The following ZNF530 variants were observed in gnomAD, a reference collection of about 807,000 sequenced individuals.
ZNF530 encodes the protein zinc finger protein 530.
A neutral mutation model predicts 2.8 loss-of-function variants in ZNF530; 5 were observed. The observed-to-expected ratio is 1.80, with a 90% confidence interval of 0.94 to 3.78. The LOEUF (loss-of-function observed/expected upper bound fraction) is 3.78, where lower values mean the gene tolerates loss of function less well. ZNF530 is among the 30% of genes most tolerant of loss of function. The pLI is 0.00. For missense variants in ZNF530, 619 were observed against 673.3 expected (o/e 0.92, Z 0.89); for synonymous variants, 229 against 235.0 (o/e 0.97, Z 0.23).
chr19:57,610,704 CT>C (rs537086027), downstream of ZNF530, among the ~76,000 whole-genome samples: 87 of 152,134 alleles, frequency 5.7e-4, no homozygotes, highest in Non-Finnish European at 1.1e-3. Flanking sequence ...GCCATATTCC[CT>C]GAAGGCCAGA....
In ZNF530 at chr19:57,606,471, G is replaced by C; in HGVS notation, c.847G>C (p.Val283Leu). 1 of 1,614,154 alleles carries C rather than the reference G, an allele frequency of 6.2e-7. No homozygotes were observed. Among genetic ancestry groups the C allele is most frequent in the Non-Finnish European group, 8.5e-7 (1 of 1,180,028 alleles). Residue 283 changes from valine (V) to leucine (L), a missense_variant, in exon 4 of 4, where the codon GTT becomes CTT. By Grantham distance (32) the Val-to-Leu change is conservative (BLOSUM62 1). Transcript: ENST00000597700. ...ATCTGTCCTCATTCAACATCAACGA[G>C]TTCACACTGGAGAAAGGCCTTATGA... ...QVSVLIQHQR[V>L]HTGERPYECS...
Position 57,607,682 on chromosome 19 carries a change from A to G in ZNF530, c.*357A>G. On this transcript the variant is annotated 3_prime_UTR_variant, in exon 4 of 4. Coordinates refer to ENST00000597700, the MANE Select transcript of ZNF530 (RefSeq NM_001321981.2). Reference sequence around the variant, plus strand: ...TTTAACACAAGATTTCCCAAAGAAGAAAGGCCTTATATATGCTGTGAATGT... The same window carrying G: ...TTTAACACAAGATTTCCCAAAGAAGGAAGGCCTTATATATGCTGTGAATGT... 4.2e-6 allele frequency: 1 copy of G among 236,480 alleles called. No individual in the cohort carries two copies. The highest frequency in any genetic ancestry group is 8.2e-6 in the Non-Finnish European group (1 of 121,266). The allele number at this position is 236,480 out of a possible 1,614,324, so 14.6% of individuals were successfully genotyped here. A position where few individuals can be genotyped will look rare whatever the true frequency, so the allele number is the denominator to read the frequency against.
chr19:57,604,131 G>C (rs1295434160), intron 2 of ZNF530, 146 bp from the exon 3 acceptor site: 62 of 1,046,518 alleles, frequency 5.9e-5, no homozygotes, highest in Non-Finnish European at 8.4e-5. Flanking sequence ...GACCATGAGA[G>C]AGTAGGCATC....
chr19:57,609,714 CT>C lies in ZNF530; in HGVS notation c.*2391del, dbSNP rs1265344730. ...TGCAGAAATCTCTAGAAATGTGTGT[CT>C]TGTAGCTCAAGTTATTACTAGAGAC... On this transcript the variant is annotated 3_prime_UTR_variant, in exon 4 of 4. Coordinates refer to ENST00000597700, the MANE Select transcript of ZNF530 (RefSeq NM_001321981.2). Among the ~76,000 whole-genome samples, 3 of 152,080 alleles carry C rather than the reference CT, an allele frequency of 2.0e-5. No homozygotes were observed. Among genetic ancestry groups the C allele is most frequent in the African/African-American group, 7.2e-5 (3 of 41,404 alleles).
At chr19:57,602,325 T>G (rs1980282198) in intron 2 of ZNF530, among the ~76,000 whole-genome samples, 1 of 152,238 alleles carries the variant, frequency 6.6e-6, no homozygotes, top group South Asian at 2.1e-4. Context: ...TGACCTTATC[T>G]AAATCTAATT....
intron 2 of ZNF530, among the ~76,000 whole-genome samples, chr19:57,601,922 T>C (rs1213084545): frequency 6.6e-6 from 1 of 152,188 alleles, no homozygotes; most frequent in African/African-American, 2.4e-5. Context: ...AAGGATACTA[T>C]GCCATTCATG....
At chr19:57,602,245 A>G (rs1443133347) in intron 2 of ZNF530, among the ~76,000 whole-genome samples, 4 of 152,296 alleles carry the variant, frequency 2.6e-5, no homozygotes, top group Admixed American at 1.3e-4. Context: ...GAGTATGTAA[A>G]GAAAGCAAGG....
Position 57,607,266 on chromosome 19 carries a change from G to A in ZNF530, c.1642G>A (p.Gly548Arg), listed in dbSNP as rs1980629036. Residue 548 changes from glycine (G) to arginine (R), a missense_variant, in exon 4 of 4, where the codon GGA becomes AGA. Coordinates refer to ENST00000597700, the MANE Select transcript of ZNF530 (RefSeq NM_001321981.2). ...GERPYECSEC[G>R]KSFSQSSGLL... ...AAGGCCTTATGAATGCAGTGAATGT[G>A]GAAAATCCTTTAGCCAAAGCTCTGG... The A allele has an allele frequency of 6.2e-7, 1 of 1,613,854 alleles. No individual in the cohort carries two copies. Among genetic ancestry groups the A allele is most frequent in the African/African-American group, 1.3e-5 (1 of 74,866 alleles).
In ZNF530 at chr19:57,606,329, A is replaced by G. The variant is rs1288380634; in HGVS notation, c.705A>G (p.Glu235=). The G allele has an allele frequency of 6.2e-7, 1 of 1,613,848 alleles. No homozygotes were observed. The change falls in exon 4 of 4, where the codon GAA becomes GAG. Residue 235 remains glutamate, a synonymous_variant. Coordinates refer to ENST00000597700, the MANE Select transcript of ZNF530 (RefSeq NM_001321981.2). The part of the protein sequence containing the change: ...RKAHGRTRTH[E]CSECGKSFSR... ...CACACGGTAGAACAAGGACTCATGA[A>G]TGTAGTGAATGTGGGAAATCATTTA...
In ZNF530 at chr19:57,606,031, C is replaced by T. The variant is rs11883343; in HGVS notation, c.407C>T (p.Thr136Met). The T allele has an allele frequency of 0.037, 58,975 of 1,614,138 alleles. 1,681 individuals are homozygous for T. Among genetic ancestry groups the T allele is most frequent in the East Asian group, 0.14 (6,394 of 44,872 alleles). ...CRFHVSGKPF[T>M]FGEVGRDFSA... Reference sequence around the variant, plus strand: ...TTCCATGTGTCAGGAAAACCCTTCACGTTTGGGGAAGTCGGGAGGGACTTT... The same window carrying T: ...TTCCATGTGTCAGGAAAACCCTTCATGTTTGGGGAAGTCGGGAGGGACTTT... Residue 136 changes from threonine (T) to methionine (M), a missense_variant, in exon 4 of 4, where the codon ACG becomes ATG. Physicochemically the swap from Thr to Met is moderately conservative, Grantham distance 81. Transcript: ENST00000597700.
chr19:57,606,402 A>C lies in ZNF530; in HGVS notation c.778A>C (p.Arg260=), dbSNP rs1291888744. The C allele has an allele frequency of 6.2e-7, 1 of 1,613,878 alleles. No individual in the cohort carries two copies. Among genetic ancestry groups the C allele is most frequent in the Non-Finnish European group, 8.5e-7 (1 of 1,180,022 alleles). ...TQHQRVHTGE[R]PYDCSECGKS... ...ACACCAAAGAGTTCACACTGGAGAAAGGCCTTATGACTGCAGTGAATGTGG... is the reference window on the plus strand; with the variant it reads ...ACACCAAAGAGTTCACACTGGAGAACGGCCTTATGACTGCAGTGAATGTGG... The change falls in exon 4 of 4, where the codon AGG becomes CGG. Residue 260 remains arginine, a synonymous_variant. Coordinates refer to ENST00000597700, the MANE Select transcript of ZNF530 (RefSeq NM_001321981.2).
rs1980673958 is a variant in ZNF530 at position 57,607,772 on chromosome 19, C to T, written c.*447C>T. 1 of 175,798 alleles carries T rather than the reference C, an allele frequency of 5.7e-6. No individual in the cohort carries two copies. The highest frequency in any genetic ancestry group is 2.4e-5 in the African/African-American group (1 of 41,622). The allele number at this position is 175,798 out of a possible 1,614,324, so 10.9% of individuals were successfully genotyped here. A position where few individuals can be genotyped will look rare whatever the true frequency, so the allele number is the denominator to read the frequency against. On this transcript the variant is annotated 3_prime_UTR_variant, in exon 4 of 4. Transcript: ENST00000597700. ...ACTGGAGGCTAGCCTTTGAGAAGAG[C>T]CTTCTCTGATGTGACTCATGTATCC...
rs1216791263 is a variant in ZNF530 at position 57,609,594 on chromosome 19, C to T, written c.*2269C>T. On this transcript the variant is annotated 3_prime_UTR_variant, in exon 4 of 4. Transcript: ENST00000597700. Reference sequence around the variant, plus strand: ...CCTGGGAGGTGAGCCGAGATCGCACCATTGCACTTCGGCCTGGGCAACAAC... The same window carrying T: ...CCTGGGAGGTGAGCCGAGATCGCACTATTGCACTTCGGCCTGGGCAACAAC... Among the ~76,000 whole-genome samples the T allele has an allele frequency of 6.6e-6, 1 of 152,206 alleles. No individual in the cohort carries two copies. Among genetic ancestry groups the T allele is most frequent in the East Asian group, 1.9e-4 (1 of 5,192 alleles).
intron 2 of ZNF530, 129 bp from the exon 3 acceptor site, chr19:57,604,148 A>T: frequency 7.6e-7 from 1 of 1,314,470 alleles, no homozygotes; most frequent in Admixed American, 1.8e-5. Flanking sequence ...CATCAGTGGC[A>T]TCAGGGCCTG....
chr19:57,604,415 C>G lies in ZNF530; in HGVS notation c.61+9C>G. 1 of 1,610,788 alleles carries G rather than the reference C, an allele frequency of 6.2e-7. No individual in the cohort carries two copies. The highest frequency in any genetic ancestry group is 8.5e-7 in the Non-Finnish European group (1 of 1,178,442). On this transcript the variant is annotated intron_variant, in intron 3 of 3. Coordinates refer to ENST00000597700, the MANE Select transcript of ZNF530 (RefSeq NM_001321981.2). ...AGTTATGGCATCCCTAGGTAAGGCC[C>G]TCCTATTCCTCCCAGTTTCCTTTGT... is the stretch of plus-strand genomic sequence containing the variant.
In ZNF530 at chr19:57,609,598, G is replaced by A. The variant is rs1232985688; in HGVS notation, c.*2273G>A. On this transcript the variant is annotated 3_prime_UTR_variant, in exon 4 of 4. Coordinates refer to ENST00000597700, the MANE Select transcript of ZNF530 (RefSeq NM_001321981.2). The stretch of plus-strand genomic sequence containing the variant: ...GGAGGTGAGCCGAGATCGCACCATT[G>A]CACTTCGGCCTGGGCAACAACAGCG... 6.6e-6 allele frequency among the ~76,000 whole-genome samples: 1 copy of A among 152,204 alleles called. No homozygotes were observed. The highest frequency in any genetic ancestry group is 1.5e-5 in the Non-Finnish European group (1 of 68,040).
In ZNF530 at chr19:57,609,855, C is replaced by T. The variant is rs76734116; in HGVS notation, c.*2530C>T. Among the ~76,000 whole-genome samples the T allele has an allele frequency of 0.011, 1,731 of 151,842 alleles. 32 individuals are homozygous for T. The highest frequency in any genetic ancestry group is 0.04 in the African/African-American group (1,647 of 41,380). On this transcript the variant is annotated 3_prime_UTR_variant, in exon 4 of 4. Transcript: ENST00000597700. ...AAGAGAGATTCGGTTGTCCTTGGTG[C>T]GGCTTTTGTGATCCAGTAGCAATCC...
chr19:57,604,368 A>G lies in ZNF530; in HGVS notation c.23A>G (p.Asp8Gly). The G allele has an allele frequency of 6.2e-7, 1 of 1,614,038 alleles. No individual in the cohort carries two copies. The highest frequency in any genetic ancestry group is 2.2e-5 in the East Asian group (1 of 44,884). Residue 8 changes from aspartate to glycine, a missense_variant, in exon 3 of 4, where the codon GAT (aspartate) becomes GGT (glycine). Transcript: ENST00000597700. ...GAGATGCAGAGGCTCCTGTACCGCG[A>G]TGTGATGCTGGAGAACTTTGCAGTT... MQRLLYR[D>G]VMLENFAVMA...
intron 2 of ZNF530, among the ~76,000 whole-genome samples, chr19:57,601,617 G>GACTTCT (rs1205816010): frequency 6.6e-6 from 1 of 152,232 alleles, no homozygotes; most frequent in Non-Finnish European, 1.5e-5. Flanking sequence ...GCAGGATAGA[G>GACTTCT]ACTTCTACAA....
Sources: allele counts gnomAD v4.1 joint callset (sites outside exome capture counted in the v4.1 genomes callset), GRCh38; gene constraint gnomAD v4.1.1; transcripts MANE v1.5; gene names NCBI Gene and HGNC (gene_info 2026-07-23, HGNC 2026-07-21).